OLFM4: variants seen among roughly 807,000 people sequenced by gnomAD.
The protein encoded by OLFM4 is olfactomedin-4.
A neutral mutation model predicts 25.5 loss-of-function variants in OLFM4; 22 were observed. The ratio of observed to expected loss-of-function variants is 0.86; its 90% CI spans 0.62 to 1.23. The LOEUF is 1.23. OLFM4 is among the 50% of genes most tolerant of loss of function. The pLI, the probability that OLFM4 is intolerant of heterozygous loss-of-function variation, is 0.00. For missense variants in OLFM4, 594 were observed against 619.4 expected, an observed-to-expected ratio of 0.96 and a Z score of 0.44; for synonymous variants, 255 against 237.7, an observed-to-expected ratio of 1.07 and a Z score of -0.67.
At chr13:53,046,863 C>A (rs1245534736) in intron 4 of OLFM4, among the ~76,000 whole-genome samples, 1 of 152,200 alleles carries the variant, frequency 6.6e-6, no homozygotes, top group Non-Finnish European at 1.5e-5. Flanking sequence ...GGATACACAA[C>A]TACTGTTGGA....
chr13:53,046,773 G>T (rs530974886), intron 4 of OLFM4, among the ~76,000 whole-genome samples: 1 of 152,048 alleles, frequency 6.6e-6, no homozygotes, highest in African/African-American at 2.4e-5. Context: ...TGTATTTTTC[G>T]TAACTATTTT....
intron 3 of OLFM4, among the ~76,000 whole-genome samples, chr13:53,042,421 C>T (rs868371155): frequency 2.4e-4 from 36 of 152,304 alleles, no homozygotes; most frequent in African/African-American, 8.4e-4. Context: ...AGTTGAACAA[C>T]GGTTCATGGC....
intron 2 of OLFM4, among the ~76,000 whole-genome samples, chr13:53,037,367 T>C (rs1286572258): frequency 6.6e-6 from 1 of 152,206 alleles, no homozygotes; most frequent in Non-Finnish European, 1.5e-5. Flanking sequence ...CATTTGCTAG[T>C]AGATCCTCAT....
chr13:53,031,763 T>C (rs1954630360), intron 1 of OLFM4, among the ~76,000 whole-genome samples: 1 of 152,188 alleles, frequency 6.6e-6, no homozygotes, highest in Non-Finnish European at 1.5e-5. Context: ...TAAATGTTAA[T>C]TGAACACGTG....
At chr13:53,039,860 T>C (rs1053752026) in intron 2 of OLFM4, among the ~76,000 whole-genome samples, 2 of 152,196 alleles carry the variant, frequency 1.3e-5, no homozygotes, top group Admixed American at 1.3e-4. Context: ...TTTTCGACTT[T>C]CATTAAAATC....
At chr13:53,046,209 G>A (rs1593482246) in intron 4 of OLFM4, among the ~76,000 whole-genome samples, 1 of 152,150 alleles carries the variant, frequency 6.6e-6, no homozygotes, top group East Asian at 1.9e-4. Context: ...ACAAAGTTCA[G>A]TTGCCCAGTT....
intron 4 of OLFM4, among the ~76,000 whole-genome samples, chr13:53,048,018 A>G (rs1276411867): frequency 1.3e-5 from 2 of 152,212 alleles, no homozygotes; most frequent in African/African-American, 4.8e-5. Context: ...AATGTAGTTA[A>G]ATAAATAAGT....
Position 53,050,029 on chromosome 13 carries a change from G to A in OLFM4, c.791G>A (p.Trp264Ter). The change falls in exon 5 of 5, where the codon TGG (tryptophan) becomes TAG (stop). Residue 264 changes from tryptophan to a stop codon, truncating the protein, a stop_gained. Transcript: ENST00000219022. LOFTEE classifies it low-confidence loss of function (END_TRUNC). ...ISKPSVVQLN[W>*]RGFSYLYGAW... ...AAACCGTCTGTGGTTCAGCTCAACT[G>A]GAGAGGGTTTTCTTATCTATATGGT... 2 of 1,613,700 alleles carry A rather than the reference G, an allele frequency of 1.2e-6. No homozygotes were observed. Among genetic ancestry groups the A allele is most frequent in the Admixed American group, 1.7e-5 (1 of 60,008 alleles).
At chr13:53,043,386 T>TC in intron 4 of OLFM4, 122 bp downstream of exon 4, 2 of 810,076 alleles carry the variant, frequency 2.5e-6, no homozygotes, top group Non-Finnish European at 3.6e-6. Context: ...TTTTTTTTTT[T>TC]TTTCAGTTCT....
intron 2 of OLFM4, among the ~76,000 whole-genome samples, chr13:53,039,793 C>A (rs1355770616): frequency 6.6e-6 from 1 of 152,162 alleles, no homozygotes; most frequent in Non-Finnish European, 1.5e-5. Context: ...ATGGTACATC[C>A]AATGGCAGTG....
intron 2 of OLFM4, 104 bp downstream of exon 2, chr13:53,034,604 C>A: frequency 9.8e-7 from 1 of 1,015,508 alleles, no homozygotes; most frequent in Non-Finnish European, 1.4e-6. Context: ...TCAAAGACAT[C>A]ACGTTTTTAT....
At chr13:53,031,587 T>C (rs763505237) in intron 1 of OLFM4, among the ~76,000 whole-genome samples, 1 of 152,148 alleles carries the variant, frequency 6.6e-6, no homozygotes, top group Admixed American at 6.5e-5. Flanking sequence ...GAGTAACTGG[T>C]ATAGTTGGAA....
At chr13:53,035,165 C>G (rs913161048) in intron 2 of OLFM4, among the ~76,000 whole-genome samples, 7 of 151,792 alleles carry the variant, frequency 4.6e-5, no homozygotes, top group African/African-American at 1.5e-4. Context: ...CTCCCTCTCT[C>G]TTTCCTTTAA....
intron 1 of OLFM4, among the ~76,000 whole-genome samples, chr13:53,030,943 T>C (rs564857025): frequency 6.6e-6 from 1 of 152,300 alleles, no homozygotes; most frequent in South Asian, 2.1e-4. Flanking sequence ...TCTAGCACTC[T>C]TTTTTGGACT....
chr13:53,033,301 T>TA (rs1015854067), intron 1 of OLFM4, among the ~76,000 whole-genome samples: 1 of 152,014 alleles, frequency 6.6e-6, no homozygotes, highest in African/African-American at 2.4e-5. Context: ...AAACTTTTAT[T>TA]AAAAAAAATT....
chr13:53,041,823 T>C (rs1954688141), intron 2 of OLFM4, 87 bp from the exon 3 acceptor site: 2 of 812,808 alleles, frequency 2.5e-6, no homozygotes, highest in Non-Finnish European at 4.1e-6. Context: ...AAGAATCAAA[T>C]AGTTCTCAAC....
In OLFM4 at chr13:53,050,581, C is replaced by T. The variant is rs1462203557; in HGVS notation, c.1343C>T (p.Thr448Ile). The change falls in exon 5 of 5, where the codon ACC becomes ATC. Residue 448 changes from threonine to isoleucine, a missense_variant. By Grantham distance (89) the Thr-to-Ile change is moderately conservative. Coordinates refer to ENST00000219022, the MANE Select transcript of OLFM4 (RefSeq NM_006418.5). ...GVLYATRTMN[T>I]RTEEIFYYYD... ...CTGTATGCCACCCGTACTATGAACA[C>T]CAGAACAGAAGAGATTTTTTACTAT... The T allele has an allele frequency of 6.2e-7, 1 of 1,613,872 alleles. No individual in the cohort carries two copies. Among genetic ancestry groups the T allele is most frequent in the Non-Finnish European group, 8.5e-7 (1 of 1,179,944 alleles).
In OLFM4 at chr13:53,042,117, G is replaced by T; in HGVS notation, c.565G>T (p.Val189Leu). Reference protein sequence around the residue: ...GSSEIVDQLEVEIRNMTLLVE... With the variant: ...GSSEIVDQLELEIRNMTLLVE... ...CTCAGAAATTGTTGACCAGCTGGAG[G>T]TGGAGGTAAGGAGTGAACTCACTTC... Residue 189 changes from valine to leucine, a missense_variant, in exon 3 of 5, where the codon GTG becomes TTG. Val to Leu is a conservative substitution (Grantham distance 32). Transcript: ENST00000219022. 6.2e-7 allele frequency: 1 copy of T among 1,613,596 alleles called. No individual in the cohort carries two copies. Among genetic ancestry groups the T allele is most frequent in the Non-Finnish European group, 8.5e-7 (1 of 1,179,694 alleles).
At chr13:53,031,825 A>G (rs902459460) in intron 1 of OLFM4, among the ~76,000 whole-genome samples, 1 of 152,192 alleles carries the variant, frequency 6.6e-6, no homozygotes, top group African/African-American at 2.4e-5. Flanking sequence ...TCAGGGTCCT[A>G]TTTGCCCTAC....
Sources: allele counts gnomAD v4.1 joint callset (sites outside exome capture counted in the v4.1 genomes callset), GRCh38; gene constraint gnomAD v4.1.1; transcripts MANE v1.5; gene names NCBI Gene and HGNC (gene_info 2026-07-23, HGNC 2026-07-21).